The following LTF variants were observed in gnomAD, a reference collection of about 807,000 sequenced individuals.
LTF encodes lactotransferrin.
LTF carries 91 observed loss-of-function variants against 87.2 expected under a neutral mutation model. That is an observed-to-expected ratio of 1.04 (90% CI 0.88 to 1.24). The LOEUF (loss-of-function observed/expected upper bound fraction) is 1.24, where lower values mean the gene tolerates loss of function less well. Among genes scored for constraint, LTF ranks in the 50% most tolerant of loss-of-function variants. The probability of loss-of-function intolerance (pLI) is 0.00; values close to 1 mark genes in which losing one functional copy is unlikely to be tolerated. For missense variants in LTF, 901 were observed against 904.3 expected (o/e 1.00, Z 0.05); for synonymous variants, 378 against 356.1 (o/e 1.06, Z -0.69).
intron 1 of LTF, among the ~76,000 whole-genome samples, chr3:46,463,040 CG>C (rs1559607618): frequency 3.3e-5 from 5 of 152,090 alleles, no homozygotes; most frequent in Admixed American, 2.6e-4. Context: ...GAAGTCTCCA[CG>C]CTCTTACCTC....
chr3:46,455,679 C>G (rs1432715601), intron 4 of LTF, 117 bp downstream of exon 4: 1 of 1,285,978 alleles, frequency 7.8e-7, no homozygotes, highest in African/African-American at 1.5e-5. Context: ...AGCTGGCCAG[C>G]CTCACCCCCA....
At chr3:46,471,776 C>T (rs1703289813) in intron 1 of LTF, among the ~76,000 whole-genome samples, 1 of 152,236 alleles carries the variant, frequency 6.6e-6, no homozygotes, top group African/African-American at 2.4e-5. Flanking sequence ...CTGGGACCTA[C>T]TTCTCCTACT....
chr3:46,461,661 G>T (rs1333719639), intron 1 of LTF, among the ~76,000 whole-genome samples: 8 of 152,186 alleles, frequency 5.3e-5, no homozygotes, highest in African/African-American at 1.9e-4. Context: ...ACAGGCATGA[G>T]GGACCTTTAC....
chr3:46,451,184 T>A (rs1446567737), intron 6 of LTF, among the ~76,000 whole-genome samples: 1 of 152,208 alleles, frequency 6.6e-6, no homozygotes, highest in Non-Finnish European at 1.5e-5. Context: ...ATGTGGAATA[T>A]CATATATAAG....
intron 14 of LTF, among the ~76,000 whole-genome samples, chr3:46,440,367 T>C (rs1355770070): frequency 1.3e-5 from 2 of 152,238 alleles, no homozygotes; most frequent in African/African-American, 4.8e-5. Context: ...TATAGGTTTA[T>C]CAAATATATA....
chr3:46,454,442 G>C, intron 5 of LTF, 82 bp from the exon 6 acceptor site: 1 of 1,168,236 alleles, frequency 8.6e-7, no homozygotes. Context: ...CTGGCACTCA[G>C]CATCTATGGG....
intron 1 of LTF, among the ~76,000 whole-genome samples, chr3:46,460,992 G>A (rs78198896): frequency 0.12 from 18,188 of 152,116 alleles, 1,303 homozygotes; most frequent in Admixed American, 0.21. Context: ...AGTACATGAC[G>A]GGTAAATGAT....
chr3:46,446,648 T>A (rs1702662054), intron 10 of LTF, among the ~76,000 whole-genome samples, 155 bp from the exon 11 acceptor site: 1 of 152,210 alleles, frequency 6.6e-6, no homozygotes, highest in Admixed American at 6.5e-5. Flanking sequence ...ACAAAAGACA[T>A]GGCACAGAGA....
chr3:46,455,601 C>T (rs1387835965), intron 4 of LTF, among the ~76,000 whole-genome samples, 159 bp from the exon 5 acceptor site: 2 of 152,210 alleles, frequency 1.3e-5, no homozygotes, highest in Non-Finnish European at 2.9e-5. Context: ...GCACCTCTGC[C>T]GAGAGCAGAC....
chr3:46,456,495 G>T (rs1702939259), intron 2 of LTF, 97 bp from the exon 3 acceptor site: 6 of 875,346 alleles, frequency 6.9e-6, no homozygotes, highest in Middle Eastern at 2.2e-4. Flanking sequence ...GGCTGGAAGG[G>T]TCGTCAAAGG....
At chr3:46,472,811 C>T (rs980266999) in intron 1 of LTF, among the ~76,000 whole-genome samples, 3 of 152,144 alleles carry the variant, frequency 2.0e-5, no homozygotes, top group Non-Finnish European at 2.9e-5. Flanking sequence ...GAAGGAAACT[C>T]AGCAATCAAA....
At chr3:46,439,161 G>C in intron 15 of LTF, 135 bp downstream of exon 15, 1 of 812,238 alleles carries the variant, frequency 1.2e-6, no homozygotes, top group South Asian at 1.9e-5. Flanking sequence ...ACAGCATGAA[G>C]CCAATACTCT....
intron 16 of LTF, among the ~76,000 whole-genome samples, chr3:46,436,657 C>T (rs1313299036): frequency 6.6e-6 from 1 of 152,172 alleles, no homozygotes; most frequent in Non-Finnish European, 1.5e-5. Context: ...GTGCTGGGGA[C>T]ACAGCATGGA....
chr3:46,476,686 C>T (rs1203578809), intron 1 of LTF, among the ~76,000 whole-genome samples: 1 of 152,206 alleles, frequency 6.6e-6, no homozygotes, highest in African/African-American at 2.4e-5. Context: ...CCCACAAAAA[C>T]TCTATACATG....
At chr3:46,453,241 G>A (rs1702844787) in intron 6 of LTF, among the ~76,000 whole-genome samples, 2 of 152,348 alleles carry the variant, frequency 1.3e-5, no homozygotes, top group South Asian at 2.1e-4. Context: ...CCAGCTGTCA[G>A]AGAAATGAAA....
chr3:46,471,924 T>G (rs1703291577), intron 1 of LTF, among the ~76,000 whole-genome samples: 1 of 152,136 alleles, frequency 6.6e-6, no homozygotes, highest in South Asian at 2.1e-4. Flanking sequence ...CCCCCAAATT[T>G]TAACACGCAC....
intron 13 of LTF, among the ~76,000 whole-genome samples, chr3:46,442,082 A>G (rs1702537640): frequency 6.6e-6 from 1 of 152,042 alleles, no homozygotes; most frequent in Non-Finnish European, 1.5e-5. Context: ...AGCAAATAAG[A>G]AAAGACATTT....
chr3:46,460,491 G>T (rs539094831), intron 1 of LTF: 1 of 447,056 alleles, frequency 2.2e-6, no homozygotes, highest in Non-Finnish European at 4.5e-6. Flanking sequence ...CTCAAATACT[G>T]GTTCTTCTTT....
chr3:46,459,740 C>T lies in LTF; in HGVS notation c.123G>A (p.Trp41Ter), dbSNP rs558601805. 11 of 1,583,566 alleles carry T rather than the reference C, an allele frequency of 6.9e-6. No individual in the cohort carries two copies. Among genetic ancestry groups the T allele is most frequent in the Non-Finnish European group, 9.4e-6 (11 of 1,168,188 alleles). ...CACGCACTTTTCTCATATTCCTTTG[C>T]CATTGGAAGCATTTTGTGGCCTCGG... ...SQPEATKCFQ[W>*]QRNMRKVRGP... is the part of the protein sequence containing the mutation. Residue 41 changes from tryptophan (W) to a stop codon, truncating the protein, a stop_gained, in exon 2 of 17, where the codon TGG (tryptophan) becomes TGA (stop). Transcript: ENST00000231751. LOFTEE classifies it high-confidence loss of function.
Sources: gnomAD v4.1 joint callset for allele counts (sites outside exome capture counted in the v4.1 genomes callset) on GRCh38, gnomAD v4.1.1 for gene constraint, MANE v1.5 for transcripts, NCBI Gene and HGNC (gene_info 2026-07-23, HGNC 2026-07-21) for gene names.